Variants in GRIK2 observed in about 807,000 individuals in gnomAD.
GRIK2 encodes the protein glutamate receptor ionotropic, kainate 2.
Under a neutral mutation model 100.3 loss-of-function variants are expected in GRIK2, and 32 were observed. That is an observed-to-expected ratio of 0.32 (90% CI 0.24 to 0.43). The LOEUF (loss-of-function observed/expected upper bound fraction) is 0.43. GRIK2 is among the 20% of genes least tolerant of loss of function. GRIK2 has a pLI of 1.00. For missense variants in GRIK2, 843 were observed against 1,114.9 expected, an observed-to-expected ratio of 0.76 and a Z score of 3.47; for synonymous variants, 417 against 389.4, an observed-to-expected ratio of 1.07 and a Z score of -0.83.
chr6:102,038,656 AAC>A (rs1491375499), intron 15 of GRIK2, among the ~76,000 whole-genome samples: 99 of 137,736 alleles, frequency 7.2e-4, no homozygotes, highest in Admixed American at 1.2e-3. Context: ...TATAAACAAC[AAC>A]AAAAAAAAGG....
chr6:101,766,315 A>G (rs561263493), intron 7 of GRIK2, among the ~76,000 whole-genome samples: 60 of 152,162 alleles, frequency 3.9e-4, no homozygotes, highest in African/African-American at 1.4e-3. Context: ...TATTAAGTGT[A>G]TGTTTCTAAT....
intron 14 of GRIK2, among the ~76,000 whole-genome samples, chr6:101,969,616 A>C (rs1792910985): frequency 6.6e-6 from 1 of 152,088 alleles, no homozygotes; most frequent in Non-Finnish European, 1.5e-5. Flanking sequence ...CCGAACTGAT[A>C]GTTTTTGTTC....
At chr6:101,706,001 A>C (rs1276369233) in intron 7 of GRIK2, among the ~76,000 whole-genome samples, 2 of 151,918 alleles carry the variant, frequency 1.3e-5, no homozygotes, top group Non-Finnish European at 1.5e-5. Flanking sequence ...TATGCACAAA[A>C]ACTGGACAGA....
Position 101,626,506 on chromosome 6 carries a change from A to T in GRIK2, c.410A>T (p.Gln137Leu). 1 of 1,614,040 alleles carries T rather than the reference A, an allele frequency of 6.2e-7. No individual in the cohort carries two copies. The highest frequency in any genetic ancestry group is 8.5e-7 in the Non-Finnish European group (1 of 1,179,942). The change falls in exon 4 of 17, where the codon CAG becomes CTG. Residue 137 changes from glutamine (Q) to leucine (L), a missense_variant. Around this residue, in one of 3 missense-constraint regions of GRIK2, gnomAD observed 519 missense variants for 643.8 expected, o/e 0.81. Transcript: ENST00000369134. ...VPHIQTRWKH[Q>L]VSDNKDSFYV... ...CACATACAGACCCGCTGGAAGCACC[A>T]GGTGTCAGACAACAAAGATTCCTTC...
intron 16 of GRIK2, among the ~76,000 whole-genome samples, chr6:102,064,786 C>T (rs1464016724): frequency 1.3e-5 from 2 of 150,968 alleles, no homozygotes; most frequent in Non-Finnish European, 3.0e-5. Flanking sequence ...CCTTGTAAAC[C>T]TTTAAACAAA....
At chr6:101,515,923 A>G (rs1582622974) in intron 2 of GRIK2, among the ~76,000 whole-genome samples, 1 of 152,238 alleles carries the variant, frequency 6.6e-6, no homozygotes, top group East Asian at 1.9e-4. Flanking sequence ...TAGTTTAATT[A>G]GGTCCCAGCT....
At chr6:101,798,981 G>A (rs145309551) in intron 7 of GRIK2, among the ~76,000 whole-genome samples, 1 of 152,014 alleles carries the variant, frequency 6.6e-6, no homozygotes, top group East Asian at 1.9e-4. Flanking sequence ...GAAATCTTGG[G>A]GAAAGGAAAC....
chr6:101,715,408 T>G (rs371725943), intron 7 of GRIK2, among the ~76,000 whole-genome samples: 20 of 151,314 alleles, frequency 1.3e-4, no homozygotes, highest in African/African-American at 4.8e-4. Flanking sequence ...AGATGAAGAG[T>G]TCCCTGGCAG....
intron 2 of GRIK2, among the ~76,000 whole-genome samples, chr6:101,499,696 G>T (rs1773649174): frequency 6.6e-6 from 1 of 151,904 alleles, no homozygotes; most frequent in African/African-American, 2.4e-5. Flanking sequence ...TATATTATTT[G>T]TGTTAGATTT....
At chr6:102,065,666 T>C (rs940936018) in intron 16 of GRIK2, 1 of 524,438 alleles carries the variant, frequency 1.9e-6, no homozygotes, top group Non-Finnish European at 3.3e-6. Flanking sequence ...GGGAAATTTA[T>C]TGGTTTTAAA....
intron 14 of GRIK2, among the ~76,000 whole-genome samples, chr6:101,979,157 G>C (rs932725706): frequency 1.3e-5 from 2 of 151,986 alleles, no homozygotes. Flanking sequence ...AAGCAAGAAA[G>C]TTTTAGGACT....
intron 7 of GRIK2, among the ~76,000 whole-genome samples, chr6:101,694,225 CT>C (rs547277446): frequency 6.6e-6 from 1 of 152,140 alleles, no homozygotes; most frequent in South Asian, 2.1e-4. Flanking sequence ...AGGCATTGAA[CT>C]TGAGAAAGCA....
chr6:101,470,607 C>T lies in GRIK2; in HGVS notation c.115+71215C>T, dbSNP rs60762919. ...CTCTCTCTTCCTTCCTAGCTCTCTC[C>T]TTTTATATCCTGGGGATGGGGGAAG... On this transcript the variant is annotated intron_variant, in intron 2 of 16. Transcript: ENST00000369134. 6.8e-3 allele frequency among the ~76,000 whole-genome samples: 1,040 copies of T among 152,134 alleles called. 3 individuals are homozygous for T. The highest frequency in any genetic ancestry group is 0.012 in the Non-Finnish European group (801 of 67,990).
chr6:101,782,907 A>C (rs951150894), intron 7 of GRIK2, among the ~76,000 whole-genome samples: 6 of 136,220 alleles, frequency 4.4e-5, no homozygotes, highest in Non-Finnish European at 9.1e-5. Flanking sequence ...CCCAGGCTGG[A>C]GTGCAGTGGT....
intron 4 of GRIK2, among the ~76,000 whole-genome samples, chr6:101,643,488 T>C (rs1405046378): frequency 6.6e-6 from 1 of 151,756 alleles, no homozygotes; most frequent in Non-Finnish European, 1.5e-5. Context: ...TCTTTTGTCA[T>C]TTATTGACCA....
intron 7 of GRIK2, among the ~76,000 whole-genome samples, chr6:101,739,473 C>T (rs564051617): frequency 1.0e-3 from 153 of 152,228 alleles, no homozygotes; most frequent in African/African-American, 3.6e-3. Flanking sequence ...CTTGGGTTCT[C>T]GTTCAGGCTC....
intron 4 of GRIK2, among the ~76,000 whole-genome samples, chr6:101,628,678 G>A (rs1325228943): frequency 1.3e-5 from 2 of 152,046 alleles, no homozygotes; most frequent in East Asian, 3.9e-4. Flanking sequence ...CATGTGCATT[G>A]TTAATCTGTG....
intron 7 of GRIK2, among the ~76,000 whole-genome samples, chr6:101,711,632 G>A (rs1023226555): frequency 2.0e-5 from 3 of 151,798 alleles, no homozygotes; most frequent in African/African-American, 7.2e-5. Flanking sequence ...GAAATAAAAT[G>A]TTTTTAATGC....
chr6:101,747,651 T>C (rs1714096987), intron 7 of GRIK2, among the ~76,000 whole-genome samples: 2 of 151,776 alleles, frequency 1.3e-5, no homozygotes, highest in South Asian at 2.1e-4. Flanking sequence ...TCTGAAATAA[T>C]TCAAAGATTA....
Sources: gnomAD v4.1 joint callset for allele counts (sites outside exome capture counted in the v4.1 genomes callset) on GRCh38, gnomAD v4.1.1 for gene constraint, gnomAD v4.1.1 regional missense constraint, MANE v1.5 for transcripts, NCBI Gene and HGNC (gene_info 2026-07-23, HGNC 2026-07-21) for gene names.